NELL1: variants seen among roughly 807,000 people sequenced by gnomAD.
NELL1 encodes the protein neural EGFL like 1, also known as protein kinase C-binding protein NELL1.
Under a neutral mutation model 107.4 loss-of-function variants are expected in NELL1, and 76 were observed. The ratio of observed to expected loss-of-function variants is 0.71; its 90% CI spans 0.59 to 0.86. The LOEUF (loss-of-function observed/expected upper bound fraction) is 0.86. Ranked by LOEUF, NELL1 falls within the 40% of genes least tolerant of loss-of-function variation. NELL1 has a pLI of 0.00. For missense variants in NELL1, 1,024 were observed against 1,005.5 expected, an observed-to-expected ratio of 1.02 and a Z score of -0.25; for synonymous variants, 353 against 341.2, an observed-to-expected ratio of 1.03 and a Z score of -0.38.
At chr11:21,339,399 C>G (rs1590851246) in intron 14 of NELL1, among the ~76,000 whole-genome samples, 1 of 152,172 alleles carries the variant, frequency 6.6e-6, no homozygotes, top group African/African-American at 2.4e-5. Context: ...GAACAGAGCA[C>G]TGACAACAGC....
chr11:20,803,369 T>G (rs769677456), intron 3 of NELL1, among the ~76,000 whole-genome samples: 21 of 152,338 alleles, frequency 1.4e-4, no homozygotes, highest in African/African-American at 2.4e-4. Context: ...CCTCTAATGA[T>G]CCTTTGAATT....
At chr11:20,964,427 GATA>G (rs1261627405) in intron 12 of NELL1, among the ~76,000 whole-genome samples, 5 of 152,178 alleles carry the variant, frequency 3.3e-5, no homozygotes, top group Non-Finnish European at 5.9e-5. Context: ...AACATTAAAT[GATA>G]ATACCTTTTA....
intron 5 of NELL1, among the ~76,000 whole-genome samples, chr11:20,899,609 G>C (rs893309907): frequency 6.6e-6 from 1 of 152,158 alleles, no homozygotes; most frequent in African/African-American, 2.4e-5. Context: ...GAATGAAATA[G>C]TAAGCATGAA....
At chr11:21,071,900 C>A (rs1854024358) in intron 12 of NELL1, among the ~76,000 whole-genome samples, 1 of 152,138 alleles carries the variant, frequency 6.6e-6, no homozygotes, top group Non-Finnish European at 1.5e-5. Flanking sequence ...TACCTTCCTT[C>A]AGGCTTAGTT....
chr11:20,676,375 C>T (rs780522418), intron 1 of NELL1, among the ~76,000 whole-genome samples: 2 of 152,008 alleles, frequency 1.3e-5, no homozygotes, highest in African/African-American at 4.8e-5. Context: ...CACAGGAATG[C>T]GAGCTCCATG....
At chr11:21,438,283 G>T (rs112886969) in intron 15 of NELL1, among the ~76,000 whole-genome samples, 2,082 of 148,008 alleles carry the variant, frequency 0.014, 49 homozygotes, top group African/African-American at 0.048. Context: ...TTGTTTCTTT[G>T]TTTCAGCACT....
intron 14 of NELL1, among the ~76,000 whole-genome samples, chr11:21,232,159 A>ATAT (rs1270859097): frequency 2.3e-3 from 170 of 73,192 alleles, no homozygotes; most frequent in African/African-American, 8.0e-3. Context: ...AAAAAAAAAA[A>ATAT]ATATATATAT....
intron 17 of NELL1, among the ~76,000 whole-genome samples, chr11:21,568,363 T>C (rs778264844): frequency 6.6e-6 from 1 of 151,838 alleles, no homozygotes; most frequent in South Asian, 2.1e-4. Flanking sequence ...TGAGTGAATG[T>C]TGGGTGCATG....
chr11:21,375,057 T>A (rs1194582420), intron 15 of NELL1, among the ~76,000 whole-genome samples: 3 of 152,030 alleles, frequency 2.0e-5, no homozygotes, highest in African/African-American at 7.2e-5. Flanking sequence ...TTTTTTCAAC[T>A]TTTATTTTAG....
chr11:20,865,079 T>A (rs1308338319), intron 4 of NELL1, among the ~76,000 whole-genome samples: 1 of 152,126 alleles, frequency 6.6e-6, no homozygotes, highest in East Asian at 1.9e-4. Context: ...TTTTGGGGGG[T>A]TGCTCTGGAC....
chr11:20,878,085 G>A (rs1299087610), intron 4 of NELL1, among the ~76,000 whole-genome samples: 5 of 152,100 alleles, frequency 3.3e-5, no homozygotes, highest in African/African-American at 1.2e-4. Flanking sequence ...TTTGGGCCGG[G>A]CGCGGTGGCT....
chr11:20,868,929 C>G (rs1230397554), intron 4 of NELL1, among the ~76,000 whole-genome samples: 1 of 152,076 alleles, frequency 6.6e-6, no homozygotes, highest in African/African-American at 2.4e-5. Flanking sequence ...CAAGAAAACT[C>G]GAGGAAAGAT....
intron 2 of NELL1, among the ~76,000 whole-genome samples, chr11:20,759,759 T>G (rs533283519): frequency 1.3e-5 from 2 of 152,182 alleles, no homozygotes; most frequent in African/African-American, 4.8e-5. Context: ...GAGATGCAGG[T>G]CTTTAGAGAT....
chr11:20,786,035 ATTTTT>A (rs34120722), intron 3 of NELL1, among the ~76,000 whole-genome samples: 2 of 144,118 alleles, frequency 1.4e-5, no homozygotes, highest in Admixed American at 6.9e-5. Context: ...AAACTTCAGA[ATTTTT>A]TTTTTTTTTT....
intron 4 of NELL1, among the ~76,000 whole-genome samples, chr11:20,875,193 TA>T (rs1213250242): frequency 1.3e-5 from 2 of 152,216 alleles, no homozygotes; most frequent in East Asian, 1.9e-4. Flanking sequence ...TTAATTTTTT[TA>T]ATATGTATTT....
intron 15 of NELL1, among the ~76,000 whole-genome samples, chr11:21,382,172 G>A (rs1006736845): frequency 4.6e-5 from 7 of 151,700 alleles, no homozygotes; most frequent in Non-Finnish European, 7.4e-5. Context: ...TCTATTCTCC[G>A]ATTCCACTAC....
chr11:21,173,713 A>G (rs1265874039), intron 13 of NELL1, among the ~76,000 whole-genome samples: 2 of 151,604 alleles, frequency 1.3e-5, no homozygotes, highest in Admixed American at 1.3e-4. Flanking sequence ...TTTCATAAGT[A>G]TGAATTGACT....
At chr11:21,482,198 C>A (rs1854510463) in intron 15 of NELL1, among the ~76,000 whole-genome samples, 1 of 152,210 alleles carries the variant, frequency 6.6e-6, no homozygotes, top group Non-Finnish European at 1.5e-5. Context: ...TAAGGCATCA[C>A]ACCAATTTTG....
chr11:21,456,114 A>T (rs1853724506), intron 15 of NELL1, among the ~76,000 whole-genome samples: 1 of 152,008 alleles, frequency 6.6e-6, no homozygotes, highest in Admixed American at 6.6e-5. Context: ...TCTGGTCTCG[A>T]ACTCCTGGCC....
Sources: allele counts gnomAD v4.1 joint callset (sites outside exome capture counted in the v4.1 genomes callset), GRCh38; gene constraint gnomAD v4.1.1; transcripts MANE v1.5; gene names NCBI Gene and HGNC (gene_info 2026-07-23, HGNC 2026-07-21).